Variants in RBM26 observed in about 807,000 individuals in gnomAD.
The protein encoded by RBM26 is RNA-binding protein 26.
A neutral mutation model predicts 123.6 loss-of-function variants in RBM26; 30 were observed. The ratio of observed to expected loss-of-function variants is 0.24; its 90% CI spans 0.18 to 0.33. RBM26 has a LOEUF of 0.33. Among genes scored for constraint, RBM26 ranks in the 10% least tolerant of loss-of-function variants. The pLI is 1.00. For synonymous variants in RBM26, 400 were observed against 404.4 expected, an observed-to-expected ratio of 0.99 and a Z score of 0.13; for missense variants, 947 against 1,203.6, an observed-to-expected ratio of 0.79 and a Z score of 3.15.
At chr13:79,326,073 T>G (rs1470156541) in intron 20 of RBM26, among the ~76,000 whole-genome samples, 1 of 152,180 alleles carries the variant, frequency 6.6e-6, no homozygotes, top group Non-Finnish European at 1.5e-5. Context: ...ATCATTTATG[T>G]TTGTGTAAAT....
intron 19 of RBM26, among the ~76,000 whole-genome samples, chr13:79,335,683 A>G (rs931193921): frequency 2.0e-5 from 3 of 152,144 alleles, no homozygotes; most frequent in African/African-American, 7.2e-5. Context: ...GTCCAAATGC[A>G]TGTCAGAATT....
intron 14 of RBM26, among the ~76,000 whole-genome samples, chr13:79,350,836 C>A (rs2073113345): frequency 6.6e-6 from 1 of 151,766 alleles, no homozygotes; most frequent in Non-Finnish European, 1.5e-5. Flanking sequence ...TATTTTGGAC[C>A]CAAACCCCCT....
At chr13:79,348,520 C>T (rs2072694048) in intron 14 of RBM26, among the ~76,000 whole-genome samples, 2 of 152,036 alleles carry the variant, frequency 1.3e-5, no homozygotes, top group Non-Finnish European at 2.9e-5. Context: ...TAACCAATGC[C>T]TAAGTAGAAA....
At chr13:79,372,762 A>G (rs2140080249) in intron 3 of RBM26, among the ~76,000 whole-genome samples, 1 of 102,748 alleles carries the variant, frequency 9.7e-6, no homozygotes, top group East Asian at 2.3e-4. Context: ...TTTATTATAT[A>G]TTTTATATTA....
At chr13:79,357,215 G>C (rs2074128185) in intron 11 of RBM26, among the ~76,000 whole-genome samples, 1 of 152,066 alleles carries the variant, frequency 6.6e-6, no homozygotes, top group Admixed American at 6.5e-5. Context: ...TGCCCTACCT[G>C]AATCAAACAT....
chr13:79,344,549 T>C, intron 15 of RBM26, 120 bp downstream of exon 15: 1 of 949,042 alleles, frequency 1.1e-6, no homozygotes, highest in Non-Finnish European at 1.6e-6. Flanking sequence ...AAATAAACGT[T>C]CAGTGGCAGC....
intron 1 of RBM26, among the ~76,000 whole-genome samples, chr13:79,402,409 T>C (rs1254884356): frequency 6.6e-6 from 1 of 151,200 alleles, no homozygotes; most frequent in Non-Finnish European, 1.5e-5. Flanking sequence ...TGCAGACTTC[T>C]ATTTCACGCT....
chr13:79,326,509 C>T (rs1255176552), intron 20 of RBM26, among the ~76,000 whole-genome samples: 4 of 151,902 alleles, frequency 2.6e-5, no homozygotes, highest in Admixed American at 6.6e-5. Context: ...AATTTGCTTC[C>T]CAATGCAAAT....
Position 79,367,406 on chromosome 13 carries a change from C to CAAAAAAAAAAAAAAAAAAAAAAAA in RBM26, c.896-558_896-535dup, listed in dbSNP as rs776345304. On this transcript the variant is annotated intron_variant, in intron 6 of 21. Transcript: ENST00000438737. ...TGGGGTATAGGGGGAGACTCCATCTCAAAAAAAAAAAAAAAAAAAAAAAAA... is the reference window on the plus strand; with the variant it reads ...TGGGGTATAGGGGGAGACTCCATCTCAAAAAAAAAAAAAAAAAAAAAAAAAAAAAAAAAAAAAAAAAAAAAAAAA... Among the ~76,000 whole-genome samples the CAAAAAAAAAAAAAAAAAAAAAAAA allele has an allele frequency of 1.8e-3, 70 of 39,630 alleles. 5 individuals carry two copies. The highest frequency in any genetic ancestry group is 3.5e-3 in the Non-Finnish European group (54 of 15,636). The allele number at this position is 39,630 out of a possible 152,430, so 26.0% of individuals were successfully genotyped here.
chr13:79,322,380 T>G lies in RBM26; in HGVS notation c.2903A>C (p.Glu968Ala). The G allele has an allele frequency of 6.3e-7, 1 of 1,575,628 alleles. No individual in the cohort carries two copies. Among genetic ancestry groups the G allele is most frequent in the Non-Finnish European group, 8.6e-7 (1 of 1,164,676 alleles). The change falls in exon 21 of 22, where the codon GAA (glutamate) becomes GCA (alanine). Residue 968 changes from glutamate (E) to alanine (A), a missense_variant. This residue lies in a region of RBM26 where 164 missense variants were observed against 215.3 expected (regional missense o/e 0.76). Transcript: ENST00000438737. The stretch of plus-strand genomic sequence containing the variant: ...TTCATCAGGCTCAACTTCTTCTGTT[T>G]CAACAGCTGAAATATTAGTTACTGG... ...NKPVTNISAV[E>A]TEEVEPDEEE... is the part of the protein sequence containing the mutation.
intron 17 of RBM26, among the ~76,000 whole-genome samples, 199 bp from the exon 18 acceptor site, chr13:79,341,426 A>G (rs781248356): frequency 8.6e-5 from 13 of 151,944 alleles, no homozygotes; most frequent in South Asian, 4.1e-4. Context: ...ACTTTCACTG[A>G]TTTTCCTATA....
intron 20 of RBM26, among the ~76,000 whole-genome samples, chr13:79,333,740 C>T (rs973641084): frequency 6.6e-6 from 1 of 152,008 alleles, no homozygotes; most frequent in Non-Finnish European, 1.5e-5. Context: ...GACAAGGTTG[C>T]AGATATTCCG....
At chr13:79,379,084 C>T (rs376573985) in intron 1 of RBM26, among the ~76,000 whole-genome samples, 177 bp from the exon 2 acceptor site, 35 of 152,188 alleles carry the variant, frequency 2.3e-4, no homozygotes, top group African/African-American at 7.9e-4. Flanking sequence ...CTCCTTAATG[C>T]TATGTGTAGC....
intron 14 of RBM26, among the ~76,000 whole-genome samples, chr13:79,345,975 G>A (rs1566383871): frequency 6.6e-6 from 1 of 152,136 alleles, no homozygotes; most frequent in Non-Finnish European, 1.5e-5. Context: ...ATCTACGAAT[G>A]CTATAAAACT....
At chr13:79,334,693 A>C (rs915411714) in intron 19 of RBM26, among the ~76,000 whole-genome samples, 2 of 152,120 alleles carry the variant, frequency 1.3e-5, no homozygotes, top group Non-Finnish European at 2.9e-5. Flanking sequence ...CTTTAAATGA[A>C]GGAAATAATG....
intron 1 of RBM26, among the ~76,000 whole-genome samples, chr13:79,388,889 A>G (rs546934279): frequency 1.3e-5 from 2 of 152,376 alleles, no homozygotes; most frequent in South Asian, 4.1e-4. Context: ...TCCAAAAAAG[A>G]TCACAAGTTA....
chr13:79,379,721 G>A (rs1226806649), intron 1 of RBM26, among the ~76,000 whole-genome samples: 5 of 150,024 alleles, frequency 3.3e-5, no homozygotes, highest in Admixed American at 6.6e-5. Flanking sequence ...AACTCAGAAT[G>A]AAGAGTCAAC....
downstream of RBM26, chr13:79,314,267 G>C (rs1287947653): frequency 6.6e-6 from 1 of 151,562 alleles, no homozygotes; most frequent in Non-Finnish European, 1.5e-5. Context: ...TGTCTTGATT[G>C]AAAGTCAAAA....
intron 14 of RBM26, among the ~76,000 whole-genome samples, chr13:79,350,078 T>C (rs2073007717): frequency 1.3e-5 from 2 of 151,978 alleles, no homozygotes; most frequent in African/African-American, 4.8e-5. Flanking sequence ...AAGATTTGCT[T>C]AGCATCTACA....
Sources: gnomAD v4.1 joint callset for allele counts (sites outside exome capture counted in the v4.1 genomes callset) on GRCh38, gnomAD v4.1.1 for gene constraint, gnomAD v4.1.1 regional missense constraint, MANE v1.5 for transcripts, NCBI Gene and HGNC (gene_info 2026-07-23, HGNC 2026-07-21) for gene names.